The following RABEPK variants were observed in gnomAD, a reference collection of about 807,000 sequenced individuals.
RABEPK encodes 40 kDa Rab9 effector protein.
In RABEPK, 27 loss-of-function variants were observed where a neutral mutation model predicts 34.1. That is an observed-to-expected ratio of 0.79 (90% confidence interval 0.58 to 1.09). The LOEUF (loss-of-function observed/expected upper bound fraction) is 1.09, where lower values mean the gene tolerates loss of function less well. Ranked by LOEUF, RABEPK falls within the 50% of genes least tolerant of loss-of-function variation. The pLI, the probability that RABEPK is intolerant of heterozygous loss-of-function variation, is 0.00. For synonymous variants in RABEPK, 172 were observed against 169.2 expected, an observed-to-expected ratio of 1.02 and a Z score of -0.13; for missense variants, 449 against 462.6, an observed-to-expected ratio of 0.97 and a Z score of 0.27.
At chr9:125,227,431 C>CT (rs966107501) in intron 5 of RABEPK, among the ~76,000 whole-genome samples, 7 of 149,432 alleles carry the variant, frequency 4.7e-5, no homozygotes, top group African/African-American at 1.2e-4. Flanking sequence ...TTTTTTTTTT[C>CT]TTTTTTTTAA....
intron 4 of RABEPK, 45 bp downstream of exon 4, chr9:125,213,567 T>C: frequency 2.0e-6 from 3 of 1,491,084 alleles, no homozygotes; most frequent in Non-Finnish European, 2.8e-6. Context: ...ACAAATAAAC[T>C]TTCATGCACA....
intron 3 of RABEPK, among the ~76,000 whole-genome samples, chr9:125,211,095 G>A (rs1830564587): frequency 6.6e-6 from 1 of 151,274 alleles, no homozygotes; most frequent in East Asian, 2.0e-4. Flanking sequence ...AAATTAGCCA[G>A]GCGTGGTGGC....
chr9:125,228,849 G>A (rs78835995), intron 6 of RABEPK, among the ~76,000 whole-genome samples: 16,732 of 151,282 alleles, frequency 0.11, 1,131 homozygotes, highest in African/African-American at 0.19. Flanking sequence ...TCTAGTCCTA[G>A]CTACTTGGGA....
chr9:125,215,564 G>T (rs976335776), intron 4 of RABEPK, among the ~76,000 whole-genome samples: 1 of 151,732 alleles, frequency 6.6e-6, no homozygotes, highest in South Asian at 2.1e-4. Context: ...TTCCTGCCTC[G>T]GCCTCCTGAA....
At chr9:125,232,962 G>C (rs1588422395) in intron 7 of RABEPK, among the ~76,000 whole-genome samples, 1 of 151,846 alleles carries the variant, frequency 6.6e-6, no homozygotes, top group South Asian at 2.1e-4. Flanking sequence ...TGTAGTCCCA[G>C]CTACTCGGGA....
chr9:125,219,412 T>A (rs1028710478), intron 4 of RABEPK, among the ~76,000 whole-genome samples: 1 of 151,748 alleles, frequency 6.6e-6, no homozygotes, highest in Non-Finnish European at 1.5e-5. Flanking sequence ...TATTATTTTT[T>A]AAGATGAAGT....
intron 6 of RABEPK, among the ~76,000 whole-genome samples, chr9:125,229,501 A>G (rs1157664016): frequency 1.3e-5 from 2 of 152,200 alleles, no homozygotes; most frequent in African/African-American, 2.4e-5. Context: ...AGCTGGCAGA[A>G]TCTTCATCAG....
In RABEPK at chr9:125,213,485, A is replaced by C. The variant is rs754087796; in HGVS notation, c.327A>C (p.Gln109His). Residue 109 changes from glutamine (Q) to histidine (H), a missense_variant, in exon 4 of 8, where the codon CAA (glutamine) becomes CAC (histidine). Transcript: ENST00000373538. ...DRIWVFGGAN[Q>H]SGNRNCLQVL... ...TCTGGGTATTTGGAGGTGCCAACCA[A>C]TCAGGAAATCGAAATTGTCTACAAG... 3.1e-6 allele frequency: 5 copies of C among 1,614,064 alleles called. No individual in the cohort carries two copies. The highest frequency in any genetic ancestry group is 4.2e-6 in the Non-Finnish European group (5 of 1,180,002).
intron 2 of RABEPK, among the ~76,000 whole-genome samples, chr9:125,204,117 G>A (rs1374355525): frequency 2.7e-5 from 4 of 149,154 alleles, no homozygotes; most frequent in Non-Finnish European, 5.9e-5. Flanking sequence ...GGCGGATCAC[G>A]AGGTCAGGAG....
Position 125,200,967 on chromosome 9 carries a change from C to T in RABEPK, c.-7+61C>T, listed in dbSNP as rs369387170. The T allele has an allele frequency of 9.1e-4, 369 of 405,754 alleles. 2 individuals are homozygous for T. The highest frequency in any genetic ancestry group is 9.1e-5 in the Non-Finnish European group (18 of 197,090). The allele number at this position is 405,754 out of a possible 1,614,324, so 25.1% of individuals were successfully genotyped here. A position where few individuals can be genotyped will look rare whatever the true frequency, so the allele number is the denominator to read the frequency against. On this transcript the variant is annotated intron_variant, in intron 1 of 7. Transcript: ENST00000373538. The stretch of plus-strand genomic sequence containing the variant: ...TTTCTTCATTCACTAGCCACTCCCC[C>T]ACTTCTACTCCATGCCAGGTCCATT...
intron 2 of RABEPK, among the ~76,000 whole-genome samples, chr9:125,207,035 G>A (rs991226982): frequency 6.6e-6 from 1 of 151,028 alleles, no homozygotes. Flanking sequence ...GTTGTAGTGA[G>A]CCGAGATCAC....
At position 125,227,952 on chromosome 9, in the gene RABEPK, C is replaced by T. The variant is rs1361208897; in HGVS notation, c.569C>T (p.Pro190Leu). The T allele has an allele frequency of 2.5e-6, 4 of 1,608,304 alleles. No homozygotes were observed. Among genetic ancestry groups the T allele is most frequent in the East Asian group, 2.3e-5 (1 of 44,420 alleles). The change falls in exon 6 of 8, where the codon CCA (proline) becomes CTA (leucine). Residue 190 changes from proline (P) to leucine (L), a missense_variant. Physicochemically the swap from Pro to Leu is moderately conservative, Grantham distance 98. Transcript: ENST00000373538. ...WSQPETLGNP[P>L]SPRHGHVMVA... ...CAGCCAGAGACACTTGGAAATCCTC[C>T]ATCTCCCCGGCATGGTCATGTGATG...
chr9:125,201,545 A>G (rs1053988638), intron 1 of RABEPK, among the ~76,000 whole-genome samples: 1 of 152,164 alleles, frequency 6.6e-6, no homozygotes, highest in African/African-American at 2.4e-5. Flanking sequence ...TAGGAGGCTG[A>G]GGTGGAAGAA....
rs80221176 is a variant in RABEPK, at chr9:125,207,089, T to TAA, written c.54-460_54-459dup. Among the ~76,000 whole-genome samples the TAA allele has an allele frequency of 2.3e-4, 31 of 133,088 alleles. No homozygotes were observed. The South Asian group carries it at 4.0e-3, about 17-fold the overall frequency. The allele number at this position is 133,088 out of a possible 152,430, so 87.3% of individuals were successfully genotyped here. A position where few individuals can be genotyped will look rare whatever the true frequency, so the allele number is the denominator to read the frequency against. On this transcript the variant is annotated intron_variant, in intron 2 of 7. Transcript: ENST00000373538. ...GGGCAACAAGAGCAAAACTCCATCT[T>TAA]AAAAAAAAAAAAAAAAGAACCATTG...
intron 7 of RABEPK, 99 bp from the exon 8 acceptor site, chr9:125,233,589 G>A (rs923132914): frequency 9.4e-6 from 12 of 1,272,362 alleles, no homozygotes; most frequent in African/African-American, 3.0e-5. Flanking sequence ...TGATCCACCC[G>A]CTTCGGCCTC....
chr9:125,220,850 C>T lies in RABEPK; in HGVS notation c.526+150C>T, dbSNP rs906917787. On this transcript the variant is annotated intron_variant, in intron 5 of 7. Transcript: ENST00000373538. ...ATATCTCTTAGCTGATATCTTTTTC[C>T]CACAGCAAAATTGGCATTTAAAAAG... 2.8e-5 allele frequency: 30 copies of T among 1,070,232 alleles called. No homozygotes were observed. The African/African-American group carries it at 4.5e-4, about 16-fold the overall frequency. The allele number at this position is 1,070,232 out of a possible 1,614,324, so 66.3% of individuals were successfully genotyped here. A position where few individuals can be genotyped will look rare whatever the true frequency, so the allele number is the denominator to read the frequency against.
At chr9:125,213,717 G>C (rs1588356453) in intron 4 of RABEPK, among the ~76,000 whole-genome samples, 195 bp downstream of exon 4, 1 of 152,124 alleles carries the variant, frequency 6.6e-6, no homozygotes, top group African/African-American at 2.4e-5. Context: ...AACAATTGTT[G>C]GTAACACATA....
At chr9:125,225,523 C>A (rs3121920) in intron 5 of RABEPK, among the ~76,000 whole-genome samples, 111,602 of 151,056 alleles carry the variant, frequency 0.74, 41,399 homozygotes, top group African/African-American at 0.78. Context: ...AGCTTTACTA[C>A]AAATATGAAA....
At chr9:125,232,245 CAGAG>C (rs61328963) in intron 6 of RABEPK, among the ~76,000 whole-genome samples, 293 of 149,888 alleles carry the variant, frequency 2.0e-3, no homozygotes, top group Non-Finnish European at 3.4e-3. Context: ...CACACACACA[CAGAG>C]ACAGAGAGAG....
Sources: gnomAD v4.1 joint callset for allele counts (sites outside exome capture counted in the v4.1 genomes callset) on GRCh38, gnomAD v4.1.1 for gene constraint, MANE v1.5 for transcripts, NCBI Gene and HGNC (gene_info 2026-07-23, HGNC 2026-07-21) for gene names.